The following VWA8 variants were observed in gnomAD, a reference collection of about 807,000 sequenced individuals.
The protein encoded by VWA8 is von Willebrand factor A domain containing 8.
VWA8 carries 221 observed loss-of-function variants against 241.5 expected under a neutral mutation model. The ratio of observed to expected loss-of-function variants is 0.91; its 90% CI spans 0.82 to 1.02. The LOEUF is 1.02. VWA8 is among the 50% of genes least tolerant of loss of function. The probability of loss-of-function intolerance (pLI) is 0.00; values close to 1 mark genes in which losing one functional copy is unlikely to be tolerated. For synonymous variants in VWA8, 852 were observed against 827.1 expected (o/e 1.03, Z -0.52); for missense variants, 2,322 against 2,328.7 (o/e 1.00, Z 0.06).
intron 36 of VWA8, among the ~76,000 whole-genome samples, chr13:41,674,935 T>A (rs1168338786): frequency 6.6e-6 from 1 of 152,172 alleles, no homozygotes; most frequent in Non-Finnish European, 1.5e-5. Flanking sequence ...GCTATTCAGA[T>A]ACAGAAAAAC....
chr13:41,829,494 G>A (rs966722616), intron 14 of VWA8, among the ~76,000 whole-genome samples: 1 of 150,084 alleles, frequency 6.7e-6, no homozygotes, highest in Non-Finnish European at 1.5e-5. Flanking sequence ...ACCAACCTAA[G>A]TGCCTATAAC....
At chr13:41,726,632 C>T (rs918650880) in intron 24 of VWA8, among the ~76,000 whole-genome samples, 4 of 152,122 alleles carry the variant, frequency 2.6e-5, no homozygotes, top group African/African-American at 7.2e-5. Flanking sequence ...AGAAAAAAGA[C>T]TCTGGGATCA....
intron 43 of VWA8, among the ~76,000 whole-genome samples, chr13:41,571,007 A>AAAC (rs2044297887): frequency 6.6e-6 from 1 of 152,238 alleles, no homozygotes; most frequent in Non-Finnish European, 1.5e-5. Flanking sequence ...AGAAAATATA[A>AAAC]AACTTGGTAT....
At chr13:41,572,005 G>T (rs940079946) in intron 43 of VWA8, among the ~76,000 whole-genome samples, 1 of 151,866 alleles carries the variant, frequency 6.6e-6, no homozygotes, top group African/African-American at 2.4e-5. Context: ...TGGCGACCCC[G>T]TCTGGGAATT....
intron 44 of VWA8, among the ~76,000 whole-genome samples, chr13:41,568,792 T>C (rs1467635029): frequency 2.0e-5 from 3 of 152,120 alleles, no homozygotes; most frequent in Non-Finnish European, 2.9e-5. Context: ...CTCTCTCTCT[T>C]TTTTTTGGTC....
intron 37 of VWA8, among the ~76,000 whole-genome samples, chr13:41,617,278 C>T (rs535157691): frequency 6.6e-6 from 1 of 152,054 alleles, no homozygotes; most frequent in Non-Finnish European, 1.5e-5. Flanking sequence ...GCCACCACGC[C>T]CAGCTAATTT....
At chr13:41,861,667 A>C (rs1296874699) in intron 12 of VWA8, among the ~76,000 whole-genome samples, 1 of 152,228 alleles carries the variant, frequency 6.6e-6, no homozygotes, top group Non-Finnish European at 1.5e-5. Context: ...CCAAACTGAA[A>C]GCCAAATCAA....
At chr13:41,809,496 A>G (rs1484312949) in intron 17 of VWA8, among the ~76,000 whole-genome samples, 1 of 152,208 alleles carries the variant, frequency 6.6e-6, no homozygotes, top group African/African-American at 2.4e-5. Flanking sequence ...AAGACCATAC[A>G]TTGGGGAAAG....
intron 16 of VWA8, among the ~76,000 whole-genome samples, chr13:41,815,832 G>C (rs9532927): frequency 6.6e-5 from 10 of 152,190 alleles, no homozygotes; most frequent in Non-Finnish European, 1.2e-4. Flanking sequence ...AATATTCCAG[G>C]AGAAAGATTA....
chr13:41,930,466 A>G (rs1181899971), intron 2 of VWA8, among the ~76,000 whole-genome samples: 1 of 152,254 alleles, frequency 6.6e-6, no homozygotes, highest in Non-Finnish European at 1.5e-5. Context: ...AACAACCAAA[A>G]TGTCAATGGA....
chr13:41,729,615 AT>A lies in VWA8; in HGVS notation c.2564del (p.Asn855MetfsTer6). On this transcript the variant is annotated frameshift_variant, in exon 23 of 45. Coordinates refer to ENST00000379310, the MANE Select transcript of VWA8 (RefSeq NM_015058.2). LOFTEE classifies it high-confidence loss of function. Reference protein sequence around the residue: ...VVDEADKAPTNVTCILKTLVE... With the variant: ...VVDEADKAPTXVTCILKTLVE... ...CTAGAGTTTTTAAAATACACGTGAC[AT>A]TTGTTGGAGCTTTGTCAGCCTCATC... is the stretch of plus-strand genomic sequence containing the variant. 6.2e-7 allele frequency: 1 copy of A among 1,613,472 alleles called. No homozygotes were observed. Among genetic ancestry groups the A allele is most frequent in the Non-Finnish European group, 8.5e-7 (1 of 1,179,612 alleles).
intron 37 of VWA8, among the ~76,000 whole-genome samples, chr13:41,636,814 A>T (rs1343791021): frequency 6.6e-6 from 1 of 152,238 alleles, no homozygotes; most frequent in East Asian, 1.9e-4. Context: ...ACATGAAAAA[A>T]TGTTCATCAT....
At chr13:41,628,816 G>C (rs1469338562) in intron 37 of VWA8, among the ~76,000 whole-genome samples, 1 of 152,198 alleles carries the variant, frequency 6.6e-6, no homozygotes, top group Non-Finnish European at 1.5e-5. Context: ...GCCAAGGTGG[G>C]CAGATCATGA....
At chr13:41,584,918 G>A (rs867654507) in intron 42 of VWA8, among the ~76,000 whole-genome samples, 2 of 152,174 alleles carry the variant, frequency 1.3e-5, no homozygotes, top group South Asian at 2.1e-4. Context: ...ATTGCTCACC[G>A]AACCTTCTAT....
chr13:41,835,823 A>G (rs1871698368), intron 12 of VWA8, among the ~76,000 whole-genome samples: 1 of 152,220 alleles, frequency 6.6e-6, no homozygotes, highest in Non-Finnish European at 1.5e-5. Context: ...ATAAATTTAA[A>G]GAAAACTCCT....
At chr13:41,927,212 T>C (rs1350708352) in intron 2 of VWA8, 8 of 471,260 alleles carry the variant, frequency 1.7e-5, no homozygotes, top group Non-Finnish European at 2.6e-5. Context: ...GCATGGGCAT[T>C]GACCAAGTCA....
chr13:41,869,463 G>A (rs1173162058), intron 9 of VWA8, among the ~76,000 whole-genome samples: 1 of 151,294 alleles, frequency 6.6e-6, no homozygotes, highest in Non-Finnish European at 1.5e-5. Context: ...GTGAAACCCT[G>A]TCTACTAAAA....
chr13:41,818,415 T>C (rs563769737), intron 15 of VWA8, among the ~76,000 whole-genome samples: 2 of 151,370 alleles, frequency 1.3e-5, no homozygotes, highest in African/African-American at 2.4e-5. Context: ...CTACTAAAAA[T>C]AGAAAAATTA....
chr13:41,586,404 C>G (rs181157597), intron 42 of VWA8, among the ~76,000 whole-genome samples: 1 of 152,180 alleles, frequency 6.6e-6, no homozygotes, highest in African/African-American at 2.4e-5. Flanking sequence ...CTACTCCCCA[C>G]GGTGAAAGTC....
Sources: gnomAD v4.1 joint callset for allele counts (sites outside exome capture counted in the v4.1 genomes callset) on GRCh38, gnomAD v4.1.1 for gene constraint, MANE v1.5 for transcripts, NCBI Gene and HGNC (gene_info 2026-07-23, HGNC 2026-07-21) for gene names.